The following GTSE1 variants were observed in gnomAD, a reference collection of about 807,000 sequenced individuals.
GTSE1 encodes the protein G2 and S-phase expressed 1, also known as G2 and S phase-expressed protein 1.
GTSE1 carries 52 observed loss-of-function variants against 60.5 expected under a neutral mutation model. The ratio of observed to expected loss-of-function variants is 0.86; its 90% CI spans 0.69 to 1.08. The LOEUF (loss-of-function observed/expected upper bound fraction) is 1.08. Ranked by LOEUF, GTSE1 falls within the 50% of genes least tolerant of loss-of-function variation. The pLI is 0.00. For missense variants in GTSE1, 937 were observed against 961.8 expected, an observed-to-expected ratio of 0.97 and a Z score of 0.34; for synonymous variants, 368 against 386.5, an observed-to-expected ratio of 0.95 and a Z score of 0.56.
In GTSE1 at chr22:46,324,656, C is replaced by T. The variant is rs1262310597; in HGVS notation, c.1505+1394C>T. 2.0e-5 allele frequency among the ~76,000 whole-genome samples: 3 copies of T among 152,140 alleles called. No homozygotes were observed. Among genetic ancestry groups the T allele is most frequent in the Admixed American group, 1.3e-4 (2 of 15,270 alleles). ...TGCTGGGATTACAGGTGTGAGCCAC[C>T]GCGCCTGGCCGGAATTTTTATTTTC... On this transcript the variant is annotated intron_variant, in intron 8 of 11. Coordinates refer to ENST00000454366, the MANE Select transcript of GTSE1 (RefSeq NM_016426.7). The surrounding 1 kb of genome is among the most constrained non-coding windows in gnomAD (Gnocchi z 5.2).
At position 46,317,950 on chromosome 22, in the gene GTSE1, GC is replaced by G. The variant is rs1281289108; in HGVS notation, c.1432+1539del. 6.6e-6 allele frequency among the ~76,000 whole-genome samples: 1 copy of G among 152,232 alleles called. No individual in the cohort carries two copies. Among genetic ancestry groups the G allele is most frequent in the Non-Finnish European group, 1.5e-5 (1 of 68,044 alleles). On this transcript the variant is annotated intron_variant, in intron 7 of 11. Transcript: ENST00000454366. The surrounding 1 kb of genome is among the most constrained non-coding windows in gnomAD (Gnocchi z 5.6). The stretch of plus-strand genomic sequence containing the variant: ...TCTTGACCTTGAGGACTCCTGCCCT[GC>G]ACCTGTGCACTGCCTGGTGCTCAGC...
chr22:46,322,429 A>C (rs529205731), intron 7 of GTSE1, among the ~76,000 whole-genome samples: 44 of 152,324 alleles, frequency 2.9e-4, no homozygotes, highest in Non-Finnish European at 5.0e-4. Flanking sequence ...AAGGTGTTCC[A>C]AGGGGGTCCT....
Position 46,316,096 on chromosome 22 carries a change from G to A in GTSE1, c.1116G>A (p.Lys372=). 1.9e-6 allele frequency: 3 copies of A among 1,551,418 alleles called. No homozygotes were observed. The highest frequency in any genetic ancestry group is 2.6e-6 in the Non-Finnish European group (3 of 1,147,124). ...CCCGGCCTCTGTCAAACATCAGCAA[G>A]TCAGGCAGAATGGGACCCGCCATGC... ...NSSRPLSNIS[K]SGRMGPAMLR... Residue 372 remains lysine, a synonymous_variant, in exon 7 of 12, where the codon AAG becomes AAA. Transcript: ENST00000454366. This position sits in a 1 kb window ranked among gnomAD's most constrained non-coding sequence, Gnocchi z 5.0.
intron 7 of GTSE1, among the ~76,000 whole-genome samples, 175 bp from the exon 8 acceptor site, chr22:46,323,015 A>AGGGTGAATTCACCCCG (rs2077822289): frequency 6.6e-6 from 1 of 152,204 alleles, no homozygotes; most frequent in Non-Finnish European, 1.5e-5. Context: ...AATGCCTCTC[A>AGGGTGAATTCACCCCG]TGTGGCTGCC....
intron 5 of GTSE1, among the ~76,000 whole-genome samples, chr22:46,312,552 T>C (rs1233449382): frequency 6.6e-6 from 1 of 151,406 alleles, no homozygotes; most frequent in Non-Finnish European, 1.5e-5. Flanking sequence ...GGTGGGATGA[T>C]TGCTTGAGCC....
In GTSE1 at chr22:46,324,624, C is replaced by T. The variant is rs540098695; in HGVS notation, c.1505+1362C>T. 2.0e-5 allele frequency among the ~76,000 whole-genome samples: 3 copies of T among 152,178 alleles called. No individual in the cohort carries two copies. The highest frequency in any genetic ancestry group is 1.9e-4 in the East Asian group (1 of 5,178). On this transcript the variant is annotated intron_variant, in intron 8 of 11. Transcript: ENST00000454366. This position sits in a 1 kb window ranked among gnomAD's most constrained non-coding sequence, Gnocchi z 5.2. ...CCTCGTGATCCACCAGCCTTGGCCTCGCAAAGTGCTGGGATTACAGGTGTG... is the reference window on the plus strand; with the variant it reads ...CCTCGTGATCCACCAGCCTTGGCCTTGCAAAGTGCTGGGATTACAGGTGTG...
Position 46,326,618 on chromosome 22 carries a change from G to C in GTSE1, c.1688G>C (p.Arg563Thr), listed in dbSNP as rs760482340. 36 of 1,613,110 alleles carry C rather than the reference G, an allele frequency of 2.2e-5. No individual in the cohort carries two copies. In the East Asian group the frequency reaches 3.1e-4, roughly 14 times the overall value. ...VGSPLCVPAR[R>T]RSSEPRKNSA... is the part of the protein sequence containing the mutation. ...TCTCCCCTGTGTGTGCCAGCTCGGA[G>C]ACGTTCCTCTGAGCCCCGCAAGAAC... Residue 563 changes from arginine to threonine, a missense_variant, in exon 9 of 12, where the codon AGA (arginine) becomes ACA (threonine). Physicochemically the swap from Arg to Thr is moderately conservative, Grantham distance 71. Transcript: ENST00000454366.
intron 5 of GTSE1, 116 bp downstream of exon 5, chr22:46,312,421 C>A: frequency 1.0e-6 from 1 of 979,346 alleles, no homozygotes; most frequent in Non-Finnish European, 1.5e-6. Flanking sequence ...GGGAGGATCA[C>A]TTGAGCCCAG....
intron 2 of GTSE1, among the ~76,000 whole-genome samples, chr22:46,300,535 C>T (rs1323199552): frequency 2.0e-5 from 3 of 152,236 alleles, no homozygotes; most frequent in Non-Finnish European, 4.4e-5. Context: ...TGACTTCTGA[C>T]CCGTTCCTCT....
At chr22:46,299,025 C>G (rs1467045471) in intron 2 of GTSE1, among the ~76,000 whole-genome samples, 2 of 152,352 alleles carry the variant, frequency 1.3e-5, no homozygotes, top group African/African-American at 2.4e-5. Context: ...CCTTACCACT[C>G]CATTCAAGCT....
rs918047133 is a variant in GTSE1 at position 46,319,552 on chromosome 22, C to T, written c.1432+3140C>T. Among the ~76,000 whole-genome samples, 1 of 152,098 alleles carries T rather than the reference C, an allele frequency of 6.6e-6. No homozygotes were observed. The highest frequency in any genetic ancestry group is 1.5e-5 in the Non-Finnish European group (1 of 68,012). On this transcript the variant is annotated intron_variant, in intron 7 of 11. Coordinates refer to ENST00000454366, the MANE Select transcript of GTSE1 (RefSeq NM_016426.7). The surrounding 1 kb of genome is among the most constrained non-coding windows in gnomAD (Gnocchi z 5.0). Reference sequence around the variant, plus strand: ...TGGAAGAGGCAGCGGGCAGAGTCCACGGCCCCATTTTGGAAGTAGTGAGGG... The same window carrying T: ...TGGAAGAGGCAGCGGGCAGAGTCCATGGCCCCATTTTGGAAGTAGTGAGGG...
Position 46,319,743 on chromosome 22 carries a change from T to G in GTSE1, c.1432+3331T>G, listed in dbSNP as rs1176562149. Among the ~76,000 whole-genome samples the G allele has an allele frequency of 6.6e-6, 1 of 152,050 alleles. No individual in the cohort carries two copies. Among genetic ancestry groups the G allele is most frequent in the Non-Finnish European group, 1.5e-5 (1 of 67,990 alleles). ...GCTAACTCCTGTAATCCTAGCACTT[T>G]GGGAGGCCGAGGTGAGCAGATCACC... On this transcript the variant is annotated intron_variant, in intron 7 of 11. Coordinates refer to ENST00000454366, the MANE Select transcript of GTSE1 (RefSeq NM_016426.7). This position sits in a 1 kb window ranked among gnomAD's most constrained non-coding sequence, Gnocchi z 5.0.
chr22:46,325,783 C>T (rs986490281), intron 8 of GTSE1, among the ~76,000 whole-genome samples: 1 of 152,238 alleles, frequency 6.6e-6, no homozygotes, highest in Non-Finnish European at 1.5e-5. Context: ...TCTGGGGACA[C>T]AGACATTCAG....
intron 8 of GTSE1, 100 bp downstream of exon 8, chr22:46,323,362 T>A: frequency 2.2e-6 from 2 of 912,574 alleles, no homozygotes; most frequent in East Asian, 4.8e-5. Context: ...GGCCTGCGCA[T>A]CTGGCTTCCA....
chr22:46,308,633 A>G lies in GTSE1; in HGVS notation c.452A>G (p.Glu151Gly), dbSNP rs2077729807. The change falls in exon 4 of 12, where the codon GAA becomes GGA. Residue 151 changes from glutamate (E) to glycine (G), a missense_variant. Coordinates refer to ENST00000454366, the MANE Select transcript of GTSE1 (RefSeq NM_016426.7). ...TTAAAAATAAACCTCTTTGAGAAAG[A>G]AAAGGAAATGAAGAAAAGCCCCACG... ...SKLKINLFEK[E>G]KEMKKSPTSL... 1 of 1,614,030 alleles carries G rather than the reference A, an allele frequency of 6.2e-7. No individual in the cohort carries two copies. Among genetic ancestry groups the G allele is most frequent in the Non-Finnish European group, 8.5e-7 (1 of 1,180,000 alleles).
chr22:46,318,092 G>T lies in GTSE1; in HGVS notation c.1432+1680G>T, dbSNP rs922182225. Among the ~76,000 whole-genome samples, 1 of 152,250 alleles carries T rather than the reference G, an allele frequency of 6.6e-6. No individual in the cohort carries two copies. Among genetic ancestry groups the T allele is most frequent in the African/African-American group, 2.4e-5 (1 of 41,476 alleles). On this transcript the variant is annotated intron_variant, in intron 7 of 11. Coordinates refer to ENST00000454366, the MANE Select transcript of GTSE1 (RefSeq NM_016426.7). This position sits in a 1 kb window ranked among gnomAD's most constrained non-coding sequence, Gnocchi z 4.8. Reference sequence around the variant, plus strand: ...CTCAGCCTCCTGAGCTCCAGCCACTGCCTTCTCCAGTCAGTGAGGCCACTG... The same window carrying T: ...CTCAGCCTCCTGAGCTCCAGCCACTTCCTTCTCCAGTCAGTGAGGCCACTG...
At position 46,324,939 on chromosome 22, in the gene GTSE1, G is replaced by A. The variant is rs1029842437; in HGVS notation, c.1506-1497G>A. Among the ~76,000 whole-genome samples the A allele has an allele frequency of 6.6e-6, 1 of 152,208 alleles. No individual in the cohort carries two copies. Among genetic ancestry groups the A allele is most frequent in the African/African-American group, 2.4e-5 (1 of 41,442 alleles). On this transcript the variant is annotated intron_variant, in intron 8 of 11. Transcript: ENST00000454366. The surrounding 1 kb of genome is among the most constrained non-coding windows in gnomAD (Gnocchi z 5.2). ...ACAGGTCTCCCTGGCCTCCCGAGGGGCCATGGTGGTGGGATGTCCTTGACT... is the reference window on the plus strand; with the variant it reads ...ACAGGTCTCCCTGGCCTCCCGAGGGACCATGGTGGTGGGATGTCCTTGACT...
intron 2 of GTSE1, among the ~76,000 whole-genome samples, chr22:46,303,929 G>GAT (rs1243543744): frequency 5.3e-5 from 8 of 152,148 alleles, no homozygotes; most frequent in Non-Finnish European, 1.0e-4. Context: ...TTGGGGTCCT[G>GAT]GAGTGAGGAG....
intron 2 of GTSE1, among the ~76,000 whole-genome samples, chr22:46,301,759 G>T (rs1490911937): frequency 6.6e-6 from 1 of 152,130 alleles, no homozygotes; most frequent in Non-Finnish European, 1.5e-5. Flanking sequence ...AAAGTGCTGG[G>T]ATTATAGGTG....
Sources: gnomAD v4.1 joint callset for allele counts (sites outside exome capture counted in the v4.1 genomes callset) on GRCh38, gnomAD v4.1.1 for gene constraint, Gnocchi (gnomAD v3.1) non-coding constraint, MANE v1.5 for transcripts, NCBI Gene and HGNC (gene_info 2026-07-23, HGNC 2026-07-21) for gene names.